The following PARD3B variants were observed in gnomAD, a reference collection of about 807,000 sequenced individuals.
The protein encoded by PARD3B is par-3 family cell polarity regulator beta.
A neutral mutation model predicts 130.2 loss-of-function variants in PARD3B; 103 were observed. That is an observed-to-expected ratio of 0.79 (90% CI 0.67 to 0.93). The LOEUF (loss-of-function observed/expected upper bound fraction) is 0.93, where lower values mean the gene tolerates loss of function less well. Ranked by LOEUF, PARD3B falls within the 40% of genes least tolerant of loss-of-function variation. PARD3B has a pLI of 0.00. For missense variants in PARD3B, 1,609 were observed against 1,499.2 expected (o/e 1.07, Z -1.21); for synonymous variants, 583 against 553.2 (o/e 1.05, Z -0.76).
chr2:205,328,110 C>T (rs937796878), intron 18 of PARD3B, among the ~76,000 whole-genome samples: 7 of 152,258 alleles, frequency 4.6e-5, no homozygotes, highest in Admixed American at 2.0e-4. Flanking sequence ...CCAAATTAGA[C>T]ATTTTAAAGA....
chr2:204,889,762 C>T (rs2046383478), intron 2 of PARD3B, among the ~76,000 whole-genome samples: 1 of 152,210 alleles, frequency 6.6e-6, no homozygotes, highest in Non-Finnish European at 1.5e-5. Context: ...TGTCAAACTA[C>T]TTAGGCTTAC....
At chr2:205,084,596 A>G (rs1218489417) in intron 4 of PARD3B, among the ~76,000 whole-genome samples, 1 of 152,006 alleles carries the variant, frequency 6.6e-6, no homozygotes, top group Non-Finnish European at 1.5e-5. Context: ...GTAATTTCTT[A>G]TACATTTCTA....
At chr2:205,545,271 A>G (rs2052334700) in intron 21 of PARD3B, among the ~76,000 whole-genome samples, 1 of 152,216 alleles carries the variant, frequency 6.6e-6, no homozygotes, top group Non-Finnish European at 1.5e-5. Flanking sequence ...CATTTTAGCA[A>G]AAGTCTTAAT....
chr2:205,149,907 C>T (rs2033626938), intron 10 of PARD3B, among the ~76,000 whole-genome samples: 1 of 152,094 alleles, frequency 6.6e-6, no homozygotes, highest in Non-Finnish European at 1.5e-5. Context: ...GGGTAGTAGC[C>T]AAGGACTTGG....
At chr2:204,896,031 C>T (rs1046901699) in intron 2 of PARD3B, among the ~76,000 whole-genome samples, 1 of 152,078 alleles carries the variant, frequency 6.6e-6, no homozygotes. Context: ...TTTCTTCAAC[C>T]GTAAGCACTT....
At chr2:205,386,754 C>G (rs2045675167) in intron 18 of PARD3B, among the ~76,000 whole-genome samples, 1 of 150,814 alleles carries the variant, frequency 6.6e-6, no homozygotes, top group African/African-American at 2.4e-5. Context: ...GAACTTTGTG[C>G]TGAGTTGAGG....
chr2:204,983,279 G>C (rs1692836024), intron 3 of PARD3B, among the ~76,000 whole-genome samples: 1 of 152,008 alleles, frequency 6.6e-6, no homozygotes, highest in African/African-American at 2.4e-5. Context: ...TAAGCCTTGA[G>C]TAAATATAGT....
At chr2:205,235,030 A>G (rs1163842167) in intron 15 of PARD3B, among the ~76,000 whole-genome samples, 1 of 152,228 alleles carries the variant, frequency 6.6e-6, no homozygotes, top group Non-Finnish European at 1.5e-5. Context: ...GTGGGATAAG[A>G]AAAATTGTGA....
intron 18 of PARD3B, among the ~76,000 whole-genome samples, chr2:205,392,858 T>C (rs553473372): frequency 1.3e-5 from 2 of 152,330 alleles, no homozygotes; most frequent in South Asian, 4.1e-4. Flanking sequence ...TTAGAATATT[T>C]TTCCTTCTTA....
chr2:204,651,655 C>T (rs962425995), intron 1 of PARD3B, among the ~76,000 whole-genome samples: 1 of 152,216 alleles, frequency 6.6e-6, no homozygotes, highest in African/African-American at 2.4e-5. Flanking sequence ...CTCCACTATG[C>T]AGTGCCCCAG....
In PARD3B at chr2:205,616,168, T is replaced by C. The variant is rs1357713294; in HGVS notation, c.*355T>C. 3 of 215,550 alleles carry C rather than the reference T, an allele frequency of 1.4e-5. No individual in the cohort carries two copies. The highest frequency in any genetic ancestry group is 2.7e-5 in the Non-Finnish European group (3 of 110,054). The allele number at this position is 215,550 out of a possible 1,614,324, so 13.4% of individuals were successfully genotyped here. A position where few individuals can be genotyped will look rare whatever the true frequency, so the allele number is the denominator to read the frequency against. The stretch of plus-strand genomic sequence containing the variant: ...TCTCTGGCTAGATAACCTGTGCTGA[T>C]GTGCAGACACGTGGACATCCCCCTC... On this transcript the variant is annotated 3_prime_UTR_variant, in exon 23 of 23. Coordinates refer to ENST00000406610, the MANE Select transcript of PARD3B (RefSeq NM_001302769.2).
chr2:205,114,827 C>CA (rs1221357050), intron 6 of PARD3B, among the ~76,000 whole-genome samples: 3 of 151,226 alleles, frequency 2.0e-5, no homozygotes, highest in Non-Finnish European at 4.4e-5. Flanking sequence ...AGAAATGAAC[C>CA]AAAAAGCTAG....
At chr2:205,467,677 G>T (rs1218071841) in intron 20 of PARD3B, among the ~76,000 whole-genome samples, 1 of 152,090 alleles carries the variant, frequency 6.6e-6, no homozygotes, top group Non-Finnish European at 1.5e-5. Flanking sequence ...ATCAGAAGTG[G>T]CTATTGGCTG....
rs746453180 is a variant in PARD3B, at chr2:204,943,322, C to T, written c.223-21830C>T. 6.6e-6 allele frequency among the ~76,000 whole-genome samples: 1 copy of T among 152,026 alleles called. No homozygotes were observed. The highest frequency in any genetic ancestry group is 2.4e-5 in the African/African-American group (1 of 41,396). Reference sequence around the variant, plus strand: ...GATCGCATAGGTCACGAGGATCTTCCTATGACCTATGATGAGAAAGAGGTT... The same window carrying T: ...GATCGCATAGGTCACGAGGATCTTCTTATGACCTATGATGAGAAAGAGGTT... On this transcript the variant is annotated intron_variant, in intron 2 of 22. Coordinates refer to ENST00000406610, the MANE Select transcript of PARD3B (RefSeq NM_001302769.2). This position sits in a 1 kb window ranked among gnomAD's most constrained non-coding sequence, Gnocchi z 4.2.
intron 21 of PARD3B, among the ~76,000 whole-genome samples, chr2:205,551,794 T>A (rs2052657098): frequency 6.6e-6 from 1 of 152,194 alleles, no homozygotes; most frequent in African/African-American, 2.4e-5. Context: ...TCCAGGTGGT[T>A]GATTACCGCC....
chr2:205,176,517 C>T lies in PARD3B; in HGVS notation c.1864C>T (p.Arg622Ter), dbSNP rs1370671456. 2.1e-5 allele frequency: 34 copies of T among 1,612,326 alleles called. No individual in the cohort carries two copies. The highest frequency in any genetic ancestry group is 6.7e-5 in the East Asian group (3 of 44,824). ...NCQNAVTTSR[R>*]NDNSILHPLG... The stretch of plus-strand genomic sequence containing the variant: ...TCAAAATGCTGTAACCACCTCTAGG[C>T]GAAATGATAATAGTATCCTGCATCC... The change falls in exon 13 of 23, where the codon CGA becomes TGA. Residue 622 changes from arginine to a stop codon, truncating the protein, a stop_gained. Transcript: ENST00000406610. LOFTEE classifies it high-confidence loss of function. The surrounding 1 kb of genome is among the most constrained non-coding windows in gnomAD (Gnocchi z 5.3).
At chr2:205,349,811 TTTTTTTTTTA>T (rs1365997135) in intron 18 of PARD3B, among the ~76,000 whole-genome samples, 2 of 147,784 alleles carry the variant, frequency 1.4e-5, no homozygotes, top group East Asian at 3.9e-4. Context: ...TTTTTTTTTT[TTTTTTTTTTA>T]AAAAAAGAGG....
intron 15 of PARD3B, among the ~76,000 whole-genome samples, chr2:205,233,202 G>A (rs925184747): frequency 2.6e-5 from 4 of 152,070 alleles, no homozygotes; most frequent in Non-Finnish European, 5.9e-5. Flanking sequence ...AAATACAAAG[G>A]TGTCATCGTG....
intron 22 of PARD3B, among the ~76,000 whole-genome samples, chr2:205,561,858 C>G (rs2053148935): frequency 6.6e-6 from 1 of 152,176 alleles, no homozygotes; most frequent in Admixed American, 6.5e-5. Flanking sequence ...CAGTGAAGCT[C>G]TTTTACCCCA....
Sources: allele counts gnomAD v4.1 joint callset (sites outside exome capture counted in the v4.1 genomes callset), GRCh38; gene constraint gnomAD v4.1.1; non-coding constraint Gnocchi (gnomAD v3.1); transcripts MANE v1.5; gene names NCBI Gene and HGNC (gene_info 2026-07-23, HGNC 2026-07-21).